Variants in SH3YL1 observed in about 807,000 individuals in gnomAD.
SH3YL1 encodes SH3 and SYLF domain containing 1, also known as SH3 domain-containing YSC84-like protein 1.
In SH3YL1, 41 loss-of-function variants were observed where a neutral mutation model predicts 45.8. That is an observed-to-expected ratio of 0.89 (90% CI 0.70 to 1.16). SH3YL1 has a LOEUF of 1.16. SH3YL1 is among the 50% of genes most tolerant of loss of function. SH3YL1 has a pLI of 0.00. For synonymous variants in SH3YL1, 152 were observed against 151.4 expected (o/e 1.00, Z -0.03); for missense variants, 389 against 409.6 (o/e 0.95, Z 0.43).
intron 4 of SH3YL1, among the ~76,000 whole-genome samples, chr2:243,288 A>C (rs1668625985): frequency 1.3e-5 from 2 of 152,194 alleles, no homozygotes; most frequent in Non-Finnish European, 2.9e-5. Flanking sequence ...CCATAAAAGA[A>C]GCCTTAACCC....
At chr2:257,475 GAACTT>G (rs1021939882) in intron 1 of SH3YL1, among the ~76,000 whole-genome samples, 1 of 152,190 alleles carries the variant, frequency 6.6e-6, no homozygotes, top group African/African-American at 2.4e-5. Flanking sequence ...ACAAGATTGA[GAACTT>G]AACTTAGGAG....
chr2:248,193 C>T (rs116274716), intron 3 of SH3YL1, among the ~76,000 whole-genome samples: 12 of 152,248 alleles, frequency 7.9e-5, no homozygotes, highest in African/African-American at 2.4e-4. Flanking sequence ...TGCCATGATA[C>T]GGCACATTTT....
chr2:264,720 CA>C, upstream of SH3YL1: 1 of 473,074 alleles, frequency 2.1e-6, no homozygotes, highest in Non-Finnish European at 3.7e-6. Context: ...CCCGCCCCTG[CA>C]GGTGAACGGC....
intron 1 of SH3YL1, chr2:262,212 C>T (rs1043791158): frequency 6.4e-6 from 1 of 155,816 alleles, no homozygotes; most frequent in Admixed American, 6.4e-5. Flanking sequence ...TTTCTGGGGC[C>T]TTGGTTTAAC....
chr2:242,248 A>G (rs1001720745), intron 4 of SH3YL1: 2 of 152,092 alleles, frequency 1.3e-5, no homozygotes, highest in African/African-American at 4.8e-5. Context: ...AAGTTCAATG[A>G]GTAAATACTT....
At chr2:231,236 C>A (rs1572149031) in intron 6 of SH3YL1, 45 bp from the exon 7 acceptor site, 5 of 1,451,932 alleles carry the variant, frequency 3.4e-6, no homozygotes, top group South Asian at 1.3e-5. Context: ...ATACACAAAT[C>A]TTTTCTAGAG....
chr2:245,141 T>C (rs1668739095), intron 4 of SH3YL1, among the ~76,000 whole-genome samples: 1 of 152,252 alleles, frequency 6.6e-6, no homozygotes, highest in South Asian at 2.1e-4. Context: ...CAGTGCTTTC[T>C]GTTAACATTG....
Position 218,861 on chromosome 2 carries a change from G to T in SH3YL1, c.979C>A (p.Leu327Ile). The stretch of plus-strand genomic sequence containing the variant: ...GGAAAAATGCCAGTTTGACCTCGAA[G>T]TTTTCCTTCCCACCAATCAAAATGT... ...DSHFDWWEGK[L>I]RGQTGIFPAN... The change falls in exon 10 of 10, where the codon CTT becomes ATT. Residue 327 changes from leucine to isoleucine, a missense_variant. Coordinates refer to ENST00000356150, the MANE Select transcript of SH3YL1 (RefSeq NM_015677.4). 10 of 1,613,958 alleles carry T rather than the reference G, an allele frequency of 6.2e-6. No homozygotes were observed. Among genetic ancestry groups the T allele is most frequent in the Non-Finnish European group, 8.5e-6 (10 of 1,179,906 alleles).
chr2:255,362 GGGA>G (rs1405939653), intron 1 of SH3YL1, among the ~76,000 whole-genome samples: 1 of 152,204 alleles, frequency 6.6e-6, no homozygotes, highest in Non-Finnish European at 1.5e-5. Flanking sequence ...GGGAGGCCAA[GGGA>G]GGAGGATCAC....
chr2:231,748 G>A (rs776663042), intron 6 of SH3YL1, among the ~76,000 whole-genome samples: 3 of 152,198 alleles, frequency 2.0e-5, no homozygotes, highest in Non-Finnish European at 2.9e-5. Flanking sequence ...CAACGGGCTC[G>A]AACCAGAAGT....
intron 4 of SH3YL1, chr2:243,427 CAAAT>C (rs1465515064): frequency 1.0e-5 from 14 of 1,386,000 alleles, no homozygotes; most frequent in Non-Finnish European, 1.3e-5. Context: ...TCTTAAATAA[CAAAT>C]GGCTCAAAGA....
intron 9 of SH3YL1, among the ~76,000 whole-genome samples, chr2:224,459 A>T (rs1667708467): frequency 6.6e-6 from 1 of 152,228 alleles, no homozygotes; most frequent in Non-Finnish European, 1.5e-5. Context: ...TCCATTGTAA[A>T]TTCAAAAGCT....
intron 1 of SH3YL1, among the ~76,000 whole-genome samples, chr2:257,877 G>T (rs1669416382): frequency 6.6e-6 from 1 of 152,078 alleles, no homozygotes; most frequent in Non-Finnish European, 1.5e-5. Context: ...TGTATGGCTG[G>T]CCAGGTATTC....
chr2:255,063 G>C (rs545040069), intron 1 of SH3YL1, among the ~76,000 whole-genome samples: 1 of 152,058 alleles, frequency 6.6e-6, no homozygotes, highest in African/African-American at 2.4e-5. Flanking sequence ...TACTCAAATC[G>C]CCTTGAGCAC....
chr2:251,917 G>A (rs1234967248), intron 2 of SH3YL1, among the ~76,000 whole-genome samples: 1 of 152,174 alleles, frequency 6.6e-6, no homozygotes, highest in Non-Finnish European at 1.5e-5. Context: ...CTTTAATGCA[G>A]GACCCAGAGT....
chr2:224,817 A>C, intron 9 of SH3YL1, 47 bp downstream of exon 9: 3 of 1,392,460 alleles, frequency 2.2e-6, no homozygotes, highest in Non-Finnish European at 3.1e-6. Flanking sequence ...GTTTGTGATC[A>C]CAAAATGAAT....
At chr2:242,923 T>C in intron 4 of SH3YL1, 1 of 1,168,462 alleles carries the variant, frequency 8.6e-7, no homozygotes, top group Non-Finnish European at 1.1e-6. Flanking sequence ...GGACATATTA[T>C]AATGATAAAA....
chr2:253,247 G>C, intron 1 of SH3YL1, 132 bp from the exon 2 acceptor site: 2 of 602,408 alleles, frequency 3.3e-6, no homozygotes, highest in Admixed American at 3.1e-5. Flanking sequence ...TTGAATAGGA[G>C]CTGGGTGAAA....
chr2:258,685 T>C (rs1558255069), intron 1 of SH3YL1, among the ~76,000 whole-genome samples: 1 of 152,162 alleles, frequency 6.6e-6, no homozygotes, highest in Non-Finnish European at 1.5e-5. Context: ...TTAGAACTAT[T>C]TTATCCATCA....
Sources: allele counts gnomAD v4.1 joint callset (sites outside exome capture counted in the v4.1 genomes callset), GRCh38; gene constraint gnomAD v4.1.1; transcripts MANE v1.5; gene names NCBI Gene and HGNC (gene_info 2026-07-23, HGNC 2026-07-21).